Variants in ARHGAP15 observed in about 807,000 individuals in gnomAD.
ARHGAP15 encodes the protein rho GTPase-activating protein 15.
ARHGAP15 carries 51 observed loss-of-function variants against 63.7 expected under a neutral mutation model. The observed-to-expected ratio is 0.80, with a 90% CI of 0.64 to 1.01. The LOEUF (loss-of-function observed/expected upper bound fraction) is 1.01. Among genes scored for constraint, ARHGAP15 ranks in the 50% least tolerant of loss-of-function variants. The pLI, the probability that ARHGAP15 is intolerant of heterozygous loss-of-function variation, is 0.00. For synonymous variants in ARHGAP15, 191 were observed against 193.8 expected (o/e 0.99, Z 0.12); for missense variants, 560 against 564.6 (o/e 0.99, Z 0.08).
intron 9 of ARHGAP15, among the ~76,000 whole-genome samples, chr2:143,517,461 TA>T (rs1389812922): frequency 1.3e-5 from 2 of 152,216 alleles, no homozygotes; most frequent in Non-Finnish European, 2.9e-5. Context: ...ACATATACTT[TA>T]AAAAATGTAT....
chr2:143,661,975 C>T lies in ARHGAP15; in HGVS notation c.1138+37708C>T, dbSNP rs915340689. Among the ~76,000 whole-genome samples the T allele has an allele frequency of 3.4e-4, 52 of 152,302 alleles. No homozygotes were observed. The East Asian group carries it at 6.0e-3, about 18-fold the overall frequency. The stretch of plus-strand genomic sequence containing the variant: ...AGCAGTCTGAGACCAAACTGCAAGG[C>T]GGCAGCGAGGCTGGGGGAGGGGCGC... On this transcript the variant is annotated intron_variant, in intron 12 of 13. Coordinates refer to ENST00000295095, the MANE Select transcript of ARHGAP15 (RefSeq NM_018460.4).
At chr2:143,236,766 A>C (rs1693669309) in intron 5 of ARHGAP15, 2 of 152,122 alleles carry the variant, frequency 1.3e-5, no homozygotes, top group Non-Finnish European at 2.9e-5. Flanking sequence ...AACTATGGAA[A>C]ATTCTTTTTT....
In ARHGAP15 at chr2:143,655,584, T is replaced by C. The variant is rs146853636; in HGVS notation, c.1138+31317T>C. Among the ~76,000 whole-genome samples, 3 of 152,312 alleles carry C rather than the reference T, an allele frequency of 2.0e-5. No homozygotes were observed. In the East Asian group the frequency reaches 5.8e-4, roughly 29 times the overall value. On this transcript the variant is annotated intron_variant, in intron 12 of 13. Transcript: ENST00000295095. ...AATGTTAGTTTTCCTTTCTTCCCCA[T>C]AGTAGAGTTGATTTTAGGAGCAAGG...
rs200900000 is a variant in ARHGAP15 at position 143,187,211 on chromosome 2, GGAA to G, written c.166-14920_166-14918del. Among the ~76,000 whole-genome samples the G allele has an allele frequency of 1.1e-3, 166 of 152,180 alleles. 1 individual carries two copies. The East Asian group carries it at 0.022, about 20-fold the overall frequency. ...ATTTCACTAGTTGACTATTTCTTGG[GGAA>G]GACTCATTTGTCTGTGTAAAATGCC... is the stretch of plus-strand genomic sequence containing the variant. On this transcript the variant is annotated intron_variant, in intron 2 of 13. Coordinates refer to ENST00000295095, the MANE Select transcript of ARHGAP15 (RefSeq NM_018460.4).
At chr2:143,258,969 C>G (rs1680570032) in intron 6 of ARHGAP15, among the ~76,000 whole-genome samples, 1 of 151,434 alleles carries the variant, frequency 6.6e-6, no homozygotes, top group Non-Finnish European at 1.5e-5. Context: ...ACGGAAATAC[C>G]AATAATGAGG....
intron 6 of ARHGAP15, among the ~76,000 whole-genome samples, chr2:143,302,361 T>G (rs1402110041): frequency 1.3e-5 from 2 of 152,054 alleles, no homozygotes; most frequent in Non-Finnish European, 2.9e-5. Context: ...AAGTTAATTT[T>G]TTGTTTAAAC....
intron 8 of ARHGAP15, among the ~76,000 whole-genome samples, chr2:143,473,770 C>T (rs1474100351): frequency 6.6e-6 from 1 of 152,074 alleles, no homozygotes; most frequent in Non-Finnish European, 1.5e-5. Context: ...GATTTTAAAC[C>T]TATGTGTATT....
chr2:143,494,388 A>T (rs1692723577), intron 9 of ARHGAP15, among the ~76,000 whole-genome samples: 2 of 152,160 alleles, frequency 1.3e-5, no homozygotes, highest in Non-Finnish European at 2.9e-5. Context: ...ACATACCATG[A>T]AAACAAAAAC....
chr2:143,727,612 A>C (rs1045888358), intron 13 of ARHGAP15, among the ~76,000 whole-genome samples: 4 of 152,164 alleles, frequency 2.6e-5, no homozygotes, highest in African/African-American at 9.7e-5. Context: ...GACAGAGGTA[A>C]GGTTTTCAGC....
At chr2:143,328,311 T>A (rs1486168297) in intron 6 of ARHGAP15, among the ~76,000 whole-genome samples, 2 of 152,164 alleles carry the variant, frequency 1.3e-5, no homozygotes, top group South Asian at 2.1e-4. Context: ...CGCAGCACTG[T>A]TCATGATAGC....
Position 143,624,192 on chromosome 2 carries a change from C to T in ARHGAP15, c.1063C>T (p.Leu355=), listed in dbSNP as rs754265748. The change falls in exon 12 of 14, where the codon CTG becomes TTG. Residue 355 remains leucine, a synonymous_variant. Coordinates refer to ENST00000295095, the MANE Select transcript of ARHGAP15 (RefSeq NM_018460.4). ...WEDIHVVTGA[L]KMFFRELPEP... Reference sequence around the variant, plus strand: ...GGACATCCACGTTGTCACCGGAGCACTGAAGATGTTTTTCCGGGAGCTGCC... The same window carrying T: ...GGACATCCACGTTGTCACCGGAGCATTGAAGATGTTTTTCCGGGAGCTGCC... The T allele has an allele frequency of 5.0e-6, 8 of 1,613,492 alleles. No individual in the cohort carries two copies. In the African/African-American group the frequency reaches 5.3e-5, roughly 11 times the overall value.
At chr2:143,398,903 C>T (rs189859323) in intron 6 of ARHGAP15, among the ~76,000 whole-genome samples, 1 of 151,930 alleles carries the variant, frequency 6.6e-6, no homozygotes, top group African/African-American at 2.4e-5. Flanking sequence ...TTTTATTAAA[C>T]TCCTACTGAA....
intron 6 of ARHGAP15, among the ~76,000 whole-genome samples, chr2:143,352,562 T>C (rs1219412422): frequency 6.6e-6 from 1 of 152,204 alleles, no homozygotes; most frequent in Non-Finnish European, 1.5e-5. Flanking sequence ...TTGAGGGAAT[T>C]TGCATGTGCT....
intron 12 of ARHGAP15, among the ~76,000 whole-genome samples, chr2:143,666,314 G>A (rs1403635944): frequency 6.6e-6 from 1 of 151,476 alleles, no homozygotes; most frequent in African/African-American, 2.4e-5. Context: ...AACAAGCAAT[G>A]GGGAAAGGAT....
chr2:143,382,647 A>G (rs1388842839), intron 6 of ARHGAP15, among the ~76,000 whole-genome samples: 1 of 152,010 alleles, frequency 6.6e-6, no homozygotes, highest in Non-Finnish European at 1.5e-5. Flanking sequence ...CTTGAGGGGG[A>G]CACAATTCAA....
chr2:143,450,524 C>T (rs1207469702), intron 8 of ARHGAP15, among the ~76,000 whole-genome samples: 3 of 151,874 alleles, frequency 2.0e-5, no homozygotes, highest in African/African-American at 4.8e-5. Flanking sequence ...AATTCTCTGA[C>T]TCAAAACTCT....
intron 8 of ARHGAP15, among the ~76,000 whole-genome samples, chr2:143,473,894 C>T (rs1691693852): frequency 6.6e-6 from 1 of 152,020 alleles, no homozygotes. Flanking sequence ...CCTTTAAAAC[C>T]CAAAGACTTT....
At chr2:143,267,748 T>G (rs763405864) in intron 6 of ARHGAP15, among the ~76,000 whole-genome samples, 2 of 152,204 alleles carry the variant, frequency 1.3e-5, no homozygotes, top group African/African-American at 2.4e-5. Flanking sequence ...ATATCCTACA[T>G]AAATGTTTTT....
At chr2:143,163,063 G>C (rs1040699073) in intron 2 of ARHGAP15, among the ~76,000 whole-genome samples, 8 of 151,970 alleles carry the variant, frequency 5.3e-5, no homozygotes, top group Admixed American at 2.0e-4. Flanking sequence ...CTAAAACACA[G>C]TATGTCAAAT....
Sources: allele counts gnomAD v4.1 joint callset (sites outside exome capture counted in the v4.1 genomes callset), GRCh38; gene constraint gnomAD v4.1.1; transcripts MANE v1.5; gene names NCBI Gene and HGNC (gene_info 2026-07-23, HGNC 2026-07-21).